ST6GALNAC3: variants seen among roughly 807,000 people sequenced by gnomAD.
ST6GALNAC3 encodes the protein alpha-N-acetylgalactosaminide alpha-2,6-sialyltransferase 3.
A neutral mutation model predicts 32.7 loss-of-function variants in ST6GALNAC3; 25 were observed. The ratio of observed to expected loss-of-function variants is 0.76; its 90% confidence interval spans 0.56 to 1.07. ST6GALNAC3 has a LOEUF of 1.07. ST6GALNAC3 is among the 50% of genes least tolerant of loss of function. ST6GALNAC3 has a pLI of 0.00. For synonymous variants in ST6GALNAC3, 129 were observed against 133.1 expected, an observed-to-expected ratio of 0.97 and a Z score of 0.21; for missense variants, 355 against 382.4, an observed-to-expected ratio of 0.93 and a Z score of 0.60.
At chr1:76,236,276 C>T (rs12753058) in intron 1 of ST6GALNAC3, among the ~76,000 whole-genome samples, 5 of 152,126 alleles carry the variant, frequency 3.3e-5, no homozygotes, top group African/African-American at 1.2e-4. Context: ...CAAATTATAT[C>T]TACAATGGCC....
At chr1:76,445,159 C>G (rs1352479254) in intron 3 of ST6GALNAC3, among the ~76,000 whole-genome samples, 3 of 152,146 alleles carry the variant, frequency 2.0e-5, no homozygotes, top group Non-Finnish European at 4.4e-5. Context: ...TACGATGCAA[C>G]TTGGGAGTGT....
At chr1:76,158,967 T>C (rs1431671866) in intron 1 of ST6GALNAC3, among the ~76,000 whole-genome samples, 1 of 152,124 alleles carries the variant, frequency 6.6e-6, no homozygotes, top group Non-Finnish European at 1.5e-5. Flanking sequence ...CTCAGGCCCT[T>C]CGTCATGTCA....
At chr1:76,349,899 C>T (rs1648829436) in intron 2 of ST6GALNAC3, among the ~76,000 whole-genome samples, 1 of 152,104 alleles carries the variant, frequency 6.6e-6, no homozygotes, top group Admixed American at 6.6e-5. Flanking sequence ...GGTATTTGCT[C>T]CCCTATGCTT....
Position 76,251,405 on chromosome 1 carries a change from C to T in ST6GALNAC3, c.19-62400C>T, listed in dbSNP as rs565437642. Among the ~76,000 whole-genome samples the T allele has an allele frequency of 2.0e-5, 3 of 152,222 alleles. No individual in the cohort carries two copies. In the East Asian group the frequency reaches 5.8e-4, roughly 29 times the overall value. ...CACATCTTCAGTTATTCTTCAGTGC[C>T]TGGAGAATAAGGTCGAAATCTTTGA... On this transcript the variant is annotated intron_variant, in intron 1 of 4. Coordinates refer to ENST00000328299, the MANE Select transcript of ST6GALNAC3 (RefSeq NM_152996.4).
At chr1:76,267,134 C>A (rs1032652610) in intron 1 of ST6GALNAC3, among the ~76,000 whole-genome samples, 10 of 152,200 alleles carry the variant, frequency 6.6e-5, no homozygotes, top group Non-Finnish European at 2.9e-5. Context: ...CCAATTTGCG[C>A]TCTCTTTCCT....
chr1:76,137,568 C>T (rs992186166), intron 1 of ST6GALNAC3, among the ~76,000 whole-genome samples: 2 of 152,176 alleles, frequency 1.3e-5, no homozygotes, highest in African/African-American at 4.8e-5. Context: ...TTCCTCCCAC[C>T]TACCGTCATG....
chr1:76,267,367 T>C (rs1658593092), intron 1 of ST6GALNAC3, among the ~76,000 whole-genome samples: 1 of 152,220 alleles, frequency 6.6e-6, no homozygotes, highest in South Asian at 2.1e-4. Flanking sequence ...AGCTCTGTCC[T>C]GCCACTGTCC....
In ST6GALNAC3 at chr1:76,313,910, C is replaced by T; in HGVS notation, c.124C>T (p.Gln42Ter). The change falls in exon 2 of 5, where the codon CAA (glutamine) becomes TAA (stop). Residue 42 changes from glutamine (Q) to a stop codon, truncating the protein, a stop_gained. Transcript: ENST00000328299. LOFTEE classifies it high-confidence loss of function. ...NFPLLLNCFG[Q>*]PGTKWIPFSY... ...CCCATTGCTACTAAACTGCTTTGGA[C>T]AACCTGGTACAAAGTGGATACCATT... is the stretch of plus-strand genomic sequence containing the variant. 1 of 1,613,594 alleles carries T rather than the reference C, an allele frequency of 6.2e-7. No individual in the cohort carries two copies. Among genetic ancestry groups the T allele is most frequent in the Non-Finnish European group, 8.5e-7 (1 of 1,179,702 alleles).
At chr1:76,269,684 A>C (rs185660157) in intron 1 of ST6GALNAC3, among the ~76,000 whole-genome samples, 38 of 152,330 alleles carry the variant, frequency 2.5e-4, no homozygotes, top group Admixed American at 9.8e-4. Context: ...TTCTTAGTAT[A>C]AGGCCACATG....
chr1:76,253,533 C>T (rs941399245), intron 1 of ST6GALNAC3, among the ~76,000 whole-genome samples: 1 of 152,094 alleles, frequency 6.6e-6, no homozygotes, highest in Non-Finnish European at 1.5e-5. Context: ...TGTAAAGTGC[C>T]AGACTTCTTA....
chr1:76,136,955 T>C (rs1649984795), intron 1 of ST6GALNAC3, among the ~76,000 whole-genome samples: 1 of 152,250 alleles, frequency 6.6e-6, no homozygotes, highest in Non-Finnish European at 1.5e-5. Flanking sequence ...ACATCTCATT[T>C]AGTCTTTACA....
At position 76,239,014 on chromosome 1, in the gene ST6GALNAC3, A is replaced by G. The variant is rs1266222149; in HGVS notation, c.19-74791A>G. 2.0e-5 allele frequency among the ~76,000 whole-genome samples: 3 copies of G among 151,552 alleles called. No homozygotes were observed. In the South Asian group the frequency reaches 6.3e-4, roughly 32 times the overall value. The stretch of plus-strand genomic sequence containing the variant: ...CCAGTAAGATAGAAGTGAGCACAAA[A>G]GCAAGGGGCTGCTGGGCTCCATTGG... On this transcript the variant is annotated intron_variant, in intron 1 of 4. Transcript: ENST00000328299.
intron 3 of ST6GALNAC3, among the ~76,000 whole-genome samples, chr1:76,472,142 A>C (rs1045330735): frequency 6.6e-6 from 1 of 152,104 alleles, no homozygotes; most frequent in African/African-American, 2.4e-5. Context: ...CCGACATTTT[A>C]GGTGTTTCCA....
At chr1:76,577,777 G>C (rs139167786) in intron 3 of ST6GALNAC3, among the ~76,000 whole-genome samples, 2 of 152,146 alleles carry the variant, frequency 1.3e-5, no homozygotes, top group African/African-American at 4.8e-5. Flanking sequence ...GTGGTTCTGG[G>C]AGGGTAGCTT....
At chr1:76,584,718 CA>C (rs1449627832) in intron 3 of ST6GALNAC3, among the ~76,000 whole-genome samples, 1 of 152,188 alleles carries the variant, frequency 6.6e-6, no homozygotes, top group Non-Finnish European at 1.5e-5. Flanking sequence ...TGGCATGAGT[CA>C]TGCTAGCTCT....
chr1:76,195,645 C>A (rs895493120), intron 1 of ST6GALNAC3, among the ~76,000 whole-genome samples: 1 of 152,120 alleles, frequency 6.6e-6, no homozygotes, highest in East Asian at 1.9e-4. Context: ...ATATTTGGTG[C>A]AAATGTCAAC....
At chr1:76,553,031 T>C (rs1370605538) in intron 3 of ST6GALNAC3, among the ~76,000 whole-genome samples, 2 of 152,222 alleles carry the variant, frequency 1.3e-5, no homozygotes, top group Non-Finnish European at 2.9e-5. Context: ...TGGGTAGTAC[T>C]TTAATAGATT....
At chr1:76,602,484 TC>T (rs143732058) in intron 3 of ST6GALNAC3, among the ~76,000 whole-genome samples, 93 of 152,140 alleles carry the variant, frequency 6.1e-4, no homozygotes, top group African/African-American at 2.2e-3. Context: ...GCTTGAGAAC[TC>T]CCAAACCGTT....
chr1:76,401,537 T>C (rs1653418234), intron 2 of ST6GALNAC3, among the ~76,000 whole-genome samples: 1 of 152,184 alleles, frequency 6.6e-6, no homozygotes, highest in Non-Finnish European at 1.5e-5. Flanking sequence ...GTGGTTTGTT[T>C]CTTTTTATAT....
Sources: gnomAD v4.1 joint callset for allele counts (sites outside exome capture counted in the v4.1 genomes callset) on GRCh38, gnomAD v4.1.1 for gene constraint, MANE v1.5 for transcripts, NCBI Gene and HGNC (gene_info 2026-07-23, HGNC 2026-07-21) for gene names.